Variants in RALYL observed in about 807,000 individuals in gnomAD.
RALYL encodes the protein RNA-binding Raly-like protein.
A neutral mutation model predicts 35.1 loss-of-function variants in RALYL; 29 were observed. The observed-to-expected ratio is 0.83, with a 90% CI of 0.61 to 1.13. The LOEUF (loss-of-function observed/expected upper bound fraction) is 1.13. Among genes scored for constraint, RALYL ranks in the 50% most tolerant of loss-of-function variants. RALYL has a pLI of 0.00. For missense variants in RALYL, 359 were observed against 360.4 expected, an observed-to-expected ratio of 1.00 and a Z score of 0.03; for synonymous variants, 120 against 127.6, an observed-to-expected ratio of 0.94 and a Z score of 0.40.
At chr8:84,420,411 C>T (rs1401698467) in intron 1 of RALYL, among the ~76,000 whole-genome samples, 1 of 151,504 alleles carries the variant, frequency 6.6e-6, no homozygotes, top group Non-Finnish European at 1.5e-5. Flanking sequence ...TTTTCTTGTA[C>T]ATTTGTTTGA....
chr8:84,243,241 G>C (rs1828350561), intron 1 of RALYL, among the ~76,000 whole-genome samples: 1 of 152,038 alleles, frequency 6.6e-6, no homozygotes. Context: ...TTTGAAGTTG[G>C]GTAGCATGAT....
chr8:84,316,190 G>T, intron 1 of RALYL, among the ~76,000 whole-genome samples: 1 of 151,974 alleles, frequency 6.6e-6, no homozygotes, highest in East Asian at 1.9e-4. Context: ...GTTTGCTAAC[G>T]ATTTACTCTT....
chr8:84,812,555 G>T (rs1224255258), intron 4 of RALYL, among the ~76,000 whole-genome samples: 1 of 152,120 alleles, frequency 6.6e-6, no homozygotes, highest in African/African-American at 2.4e-5. Context: ...TCAGGTGGGG[G>T]CAGGGCTAGG....
intron 6 of RALYL, among the ~76,000 whole-genome samples, chr8:84,871,681 T>C (rs1031123856): frequency 2.6e-5 from 4 of 152,184 alleles, no homozygotes; most frequent in Non-Finnish European, 5.9e-5. Flanking sequence ...AGTTTAGTCA[T>C]TCCTCAGAGG....
chr8:84,664,171 C>T (rs71612109), intron 2 of RALYL, among the ~76,000 whole-genome samples: 2 of 148,140 alleles, frequency 1.4e-5, no homozygotes, highest in Admixed American at 6.9e-5. Flanking sequence ...TTCCATTGGT[C>T]TTTGTGTCTT....
chr8:84,426,396 T>A (rs2046434022), intron 1 of RALYL, among the ~76,000 whole-genome samples: 1 of 151,302 alleles, frequency 6.6e-6, no homozygotes, highest in Non-Finnish European at 1.5e-5. Context: ...TCCTCCTGCC[T>A]CCTGCCCCTT....
chr8:84,617,988 G>C (rs1417462467), intron 2 of RALYL, among the ~76,000 whole-genome samples: 1 of 151,768 alleles, frequency 6.6e-6, no homozygotes, highest in Non-Finnish European at 1.5e-5. Flanking sequence ...TGCTGGATTC[G>C]TTTTGCCAGC....
chr8:84,670,055 G>A (rs773432975), intron 2 of RALYL, among the ~76,000 whole-genome samples: 1 of 151,756 alleles, frequency 6.6e-6, no homozygotes. Flanking sequence ...TTGAGAGCTT[G>A]TTCCTCTGAA....
chr8:84,429,056 A>C (rs2046859505), intron 1 of RALYL, among the ~76,000 whole-genome samples: 2 of 152,270 alleles, frequency 1.3e-5, no homozygotes, highest in East Asian at 3.9e-4. Flanking sequence ...TATCTAATGA[A>C]AGCCAAGCAA....
intron 2 of RALYL, among the ~76,000 whole-genome samples, chr8:84,773,303 A>G (rs952577860): frequency 1.3e-5 from 2 of 152,194 alleles, no homozygotes; most frequent in African/African-American, 4.8e-5. Flanking sequence ...TATTTTATCC[A>G]GAATTTTTGG....
intron 1 of RALYL, among the ~76,000 whole-genome samples, chr8:84,497,386 G>T (rs1332162087): frequency 1.6e-4 from 25 of 152,022 alleles, no homozygotes; most frequent in Admixed American, 1.6e-3. Context: ...TGGTTTATTT[G>T]ATGAACCAAA....
At chr8:84,645,708 G>A (rs1038614695) in intron 2 of RALYL, among the ~76,000 whole-genome samples, 1 of 152,056 alleles carries the variant, frequency 6.6e-6, no homozygotes, top group Non-Finnish European at 1.5e-5. Flanking sequence ...AGATTCCTTT[G>A]AAAGGACACA....
intron 1 of RALYL, among the ~76,000 whole-genome samples, chr8:84,313,515 T>C (rs1843194412): frequency 6.6e-6 from 1 of 152,166 alleles, no homozygotes; most frequent in African/African-American, 2.4e-5. Context: ...CATATAACCA[T>C]ACACTTTCAG....
rs141535096 is a variant in RALYL at position 84,712,361 on chromosome 8, A to G, written c.257-62218A>G. 1.9e-3 allele frequency among the ~76,000 whole-genome samples: 283 copies of G among 152,258 alleles called. 1 individual carries two copies. Among genetic ancestry groups the G allele is most frequent in the African/African-American group, 6.6e-3 (276 of 41,562 alleles). ...ACAGATTGACCTTAAATGGAAATGC[A>G]TATTGGTCTGCCTCATATCCTTAAT... On this transcript the variant is annotated intron_variant, in intron 2 of 8. Coordinates refer to ENST00000521268, the MANE Select transcript of RALYL (RefSeq NM_173848.7).
chr8:84,514,367 T>C (rs2057887826), intron 1 of RALYL, among the ~76,000 whole-genome samples: 1 of 152,174 alleles, frequency 6.6e-6, no homozygotes. Context: ...CGTCTATCTA[T>C]GCTGGTATAA....
intron 1 of RALYL, among the ~76,000 whole-genome samples, chr8:84,394,196 T>A (rs991701043): frequency 1.3e-5 from 2 of 152,126 alleles, no homozygotes; most frequent in African/African-American, 4.8e-5. Context: ...TATAACATAA[T>A]GAATCTGTAA....
intron 1 of RALYL, among the ~76,000 whole-genome samples, chr8:84,192,894 T>G: frequency 1.9e-5 from 2 of 105,146 alleles, no homozygotes; most frequent in African/African-American, 4.3e-5. Context: ...GGAGTGTGTG[T>G]GTGTGTGTGT....
chr8:84,471,203 A>G lies in RALYL; in HGVS notation c.-23-58096A>G, dbSNP rs372857416. On this transcript the variant is annotated intron_variant, in intron 1 of 8. Transcript: ENST00000521268. ...CTGGTAGAAAATATATTGAACTAAT[A>G]TATTGCAAAGTTATTGCTATTAAGA... 1.4e-4 allele frequency among the ~76,000 whole-genome samples: 22 copies of G among 152,344 alleles called. 2 individuals carry two copies. In the South Asian group the frequency reaches 4.1e-3, roughly 29 times the overall value.
intron 4 of RALYL, among the ~76,000 whole-genome samples, chr8:84,810,885 C>A (rs1235755283): frequency 6.6e-6 from 1 of 151,986 alleles, no homozygotes. Context: ...TGAGTCCTTA[C>A]GTATTAGGTG....
Sources: gnomAD v4.1 joint callset for allele counts (sites outside exome capture counted in the v4.1 genomes callset) on GRCh38, gnomAD v4.1.1 for gene constraint, MANE v1.5 for transcripts, NCBI Gene and HGNC (gene_info 2026-07-23, HGNC 2026-07-21) for gene names.